TMEM266: variants seen among roughly 807,000 people sequenced by gnomAD.
TMEM266 encodes Hv1 related protein 1.
Under a neutral mutation model 50.5 loss-of-function variants are expected in TMEM266, and 33 were observed. The observed-to-expected ratio is 0.65, with a 90% CI of 0.50 to 0.87. The LOEUF is 0.87. Ranked by LOEUF, TMEM266 falls within the 40% of genes least tolerant of loss-of-function variation. The probability of loss-of-function intolerance (pLI) is 0.00; values close to 1 mark genes in which losing one functional copy is unlikely to be tolerated. For missense variants in TMEM266, 655 were observed against 695.1 expected (o/e 0.94, Z 0.65); for synonymous variants, 310 against 292.3 (o/e 1.06, Z -0.62).
chr15:76,097,916 C>T (rs991707559), intron 1 of TMEM266, among the ~76,000 whole-genome samples: 3 of 151,846 alleles, frequency 2.0e-5, no homozygotes, highest in Non-Finnish European at 4.4e-5. Context: ...CTTGTGTATG[C>T]TTCATGAAGT....
chr15:76,079,771 C>CAAA (rs1180534538), intron 1 of TMEM266, among the ~76,000 whole-genome samples: 14 of 46,612 alleles, frequency 3.0e-4, no homozygotes, highest in African/African-American at 1.1e-3. Context: ...GACTCTGTCT[C>CAAA]AAAAAAAAAA....
At chr15:76,170,118 A>G (rs1053251336) in intron 6 of TMEM266, among the ~76,000 whole-genome samples, 1 of 150,060 alleles carries the variant, frequency 6.7e-6, no homozygotes, top group Non-Finnish European at 1.5e-5. Flanking sequence ...AGTTCTGCAA[A>G]ATTTTACAAT....
intron 8 of TMEM266, among the ~76,000 whole-genome samples, chr15:76,190,144 A>G (rs2038546055): frequency 6.6e-6 from 1 of 152,262 alleles, no homozygotes; most frequent in Non-Finnish European, 1.5e-5. Flanking sequence ...GGCTGATGCA[A>G]CTGAGTGCCT....
chr15:76,085,152 G>C (rs569012543), intron 1 of TMEM266, among the ~76,000 whole-genome samples: 6 of 148,650 alleles, frequency 4.0e-5, no homozygotes, highest in African/African-American at 1.2e-4. Flanking sequence ...GTAGAGACAG[G>C]GTTTCACTGT....
At chr15:76,178,240 G>A (rs1271469150) in intron 8 of TMEM266, among the ~76,000 whole-genome samples, 12 of 152,170 alleles carry the variant, frequency 7.9e-5, no homozygotes, top group Non-Finnish European at 1.6e-4. Flanking sequence ...GTTGGAGGCT[G>A]GATGGAGAGG....
At chr15:76,117,406 T>C (rs2037267905) in intron 1 of TMEM266, among the ~76,000 whole-genome samples, 1 of 152,134 alleles carries the variant, frequency 6.6e-6, no homozygotes, top group South Asian at 2.1e-4. Flanking sequence ...TGTCTTTATT[T>C]ACACGTGGCA....
At chr15:76,191,135 C>A (rs999955747) in intron 8 of TMEM266, among the ~76,000 whole-genome samples, 1 of 152,228 alleles carries the variant, frequency 6.6e-6, no homozygotes, top group Non-Finnish European at 1.5e-5. Flanking sequence ...ATGTGTGCAG[C>A]TTTTACAAGG....
rs1289959338 is a variant in TMEM266 at position 76,175,545 on chromosome 15, T to C, written c.653-14T>C. The C allele has an allele frequency of 6.2e-7, 1 of 1,604,976 alleles. No homozygotes were observed. The highest frequency in any genetic ancestry group is 1.1e-5 in the South Asian group (1 of 90,608). On this transcript the variant is annotated splice_polypyrimidine_tract_variant and intron_variant, in intron 7 of 10. Transcript: ENST00000388942. ...CACTGCTGAATTCTTTACAGGGCTG[T>C]CTCTGTCTTCCAGCCTACGTCCTGC...
intron 1 of TMEM266, among the ~76,000 whole-genome samples, chr15:76,086,027 G>A (rs1014910667): frequency 2.7e-5 from 4 of 148,016 alleles, no homozygotes; most frequent in African/African-American, 1.0e-4. Flanking sequence ...CAGCCTGGGC[G>A]ATGAGAGCGA....
At chr15:76,185,175 G>T (rs1478787013) in intron 8 of TMEM266, among the ~76,000 whole-genome samples, 3 of 152,104 alleles carry the variant, frequency 2.0e-5, no homozygotes, top group Non-Finnish European at 4.4e-5. Flanking sequence ...TATTAGATTT[G>T]GGAAGTTCTT....
intron 1 of TMEM266, among the ~76,000 whole-genome samples, chr15:76,109,925 G>T (rs563461095): frequency 6.6e-6 from 1 of 151,940 alleles, no homozygotes; most frequent in South Asian, 2.1e-4. Flanking sequence ...CTCCTAAAGT[G>T]CTGGGATTAT....
chr15:76,202,151 G>A (rs1304703635), intron 9 of TMEM266, 51 bp from the exon 10 acceptor site: 1 of 1,500,972 alleles, frequency 6.7e-7, no homozygotes. Flanking sequence ...GAGTATAAGG[G>A]GTAGAGAATG....
At chr15:76,122,396 TC>T (rs1226662300) in intron 1 of TMEM266, among the ~76,000 whole-genome samples, 1 of 152,184 alleles carries the variant, frequency 6.6e-6, no homozygotes, top group Non-Finnish European at 1.5e-5. Flanking sequence ...AAAAATGGGA[TC>T]TTTTTTTTAC....
intron 7 of TMEM266, 69 bp downstream of exon 7, chr15:76,171,200 A>G: frequency 2.5e-6 from 4 of 1,573,926 alleles, no homozygotes; most frequent in Non-Finnish European, 3.5e-6. Flanking sequence ...CTGAGAGGAG[A>G]TGCCGTGTGA....
intron 1 of TMEM266, among the ~76,000 whole-genome samples, chr15:76,089,234 G>A (rs145247718): frequency 0.013 from 1,884 of 149,374 alleles, 34 homozygotes; most frequent in African/African-American, 0.041. Context: ...TCGCTCTGTT[G>A]CCCAGGCTGG....
intron 3 of TMEM266, among the ~76,000 whole-genome samples, 173 bp from the exon 4 acceptor site, chr15:76,156,431 A>G (rs1001889447): frequency 2.0e-5 from 3 of 152,196 alleles, no homozygotes; most frequent in Non-Finnish European, 2.9e-5. Flanking sequence ...TTCACCCTTT[A>G]TGACGCTCCC....
chr15:76,203,655 C>T (rs1197466755), intron 10 of TMEM266, 86 bp from the exon 11 acceptor site: 1 of 1,307,766 alleles, frequency 7.6e-7, no homozygotes, highest in Non-Finnish European at 1.1e-6. Flanking sequence ...ACTCATTGCC[C>T]ACCGCCCGGC....
At chr15:76,083,634 G>A (rs964275967) in intron 1 of TMEM266, among the ~76,000 whole-genome samples, 2 of 152,146 alleles carry the variant, frequency 1.3e-5, no homozygotes, top group Admixed American at 6.5e-5. Flanking sequence ...CCTTTTATGT[G>A]CTGGTAGACC....
intron 10 of TMEM266, among the ~76,000 whole-genome samples, chr15:76,202,882 C>T (rs891363894): frequency 3.2e-4 from 49 of 152,016 alleles, no homozygotes; most frequent in Non-Finnish European, 6.2e-4. Flanking sequence ...TTATGTTGGG[C>T]CATGTGAGTA....
Sources: gnomAD v4.1 joint callset for allele counts (sites outside exome capture counted in the v4.1 genomes callset) on GRCh38, gnomAD v4.1.1 for gene constraint, MANE v1.5 for transcripts, NCBI Gene and HGNC (gene_info 2026-07-23, HGNC 2026-07-21) for gene names.